HCN1: variants seen among roughly 807,000 people sequenced by gnomAD.
HCN1 encodes the protein potassium/sodium hyperpolarization-activated cyclic nucleotide-gated channel 1.
HCN1 carries 13 observed loss-of-function variants against 78.9 expected under a neutral mutation model. The ratio of observed to expected loss-of-function variants is 0.16; its 90% CI spans 0.11 to 0.26. The LOEUF (loss-of-function observed/expected upper bound fraction) is 0.26, where lower values mean the gene tolerates loss of function less well. Among genes scored for constraint, HCN1 ranks in the 10% least tolerant of loss-of-function variants. The pLI is 1.00. For missense variants in HCN1, 810 were observed against 1,154.3 expected (o/e 0.70, Z 4.32); for synonymous variants, 552 against 455.5 (o/e 1.21, Z -2.70).
intron 3 of HCN1, among the ~76,000 whole-genome samples, chr5:45,402,972 C>A (rs1739852757): frequency 6.6e-6 from 1 of 150,604 alleles, no homozygotes; most frequent in African/African-American, 2.4e-5. Context: ...AGAATTTGAG[C>A]TGTAACCTCA....
chr5:45,352,430 C>T (rs188501733), intron 5 of HCN1, among the ~76,000 whole-genome samples: 5 of 151,654 alleles, frequency 3.3e-5, no homozygotes, highest in South Asian at 2.1e-4. Flanking sequence ...TGCTAAATGA[C>T]GAGTTAATGG....
chr5:45,454,643 A>C (rs549339248), intron 3 of HCN1, among the ~76,000 whole-genome samples: 1 of 152,200 alleles, frequency 6.6e-6, no homozygotes, highest in East Asian at 1.9e-4. Context: ...TATATTTTTA[A>C]TTAAGAGATT....
intron 2 of HCN1, among the ~76,000 whole-genome samples, chr5:45,481,964 A>C (rs1033722021): frequency 8.8e-6 from 1 of 113,470 alleles, no homozygotes; most frequent in Non-Finnish European, 1.7e-5. Context: ...CCTAAAAGAA[A>C]AACAAACAAA....
chr5:45,501,053 G>T (rs1437228958), intron 2 of HCN1, among the ~76,000 whole-genome samples: 1 of 152,096 alleles, frequency 6.6e-6, no homozygotes, highest in Non-Finnish European at 1.5e-5. Context: ...AGGGATGAAT[G>T]ACTAGTAACA....
chr5:45,498,710 G>T (rs1742113056), intron 2 of HCN1, among the ~76,000 whole-genome samples: 1 of 152,072 alleles, frequency 6.6e-6, no homozygotes, highest in Admixed American at 6.6e-5. Flanking sequence ...CCATCTTTGT[G>T]GTTTTATCTA....
chr5:45,313,977 G>A (rs537402265), intron 5 of HCN1, among the ~76,000 whole-genome samples: 85 of 152,298 alleles, frequency 5.6e-4, no homozygotes, highest in Non-Finnish European at 1.1e-3. Context: ...CCCCAACCTA[G>A]CAAGGCAGGC....
At chr5:45,515,537 A>G (rs1408678707) in intron 2 of HCN1, among the ~76,000 whole-genome samples, 2 of 152,054 alleles carry the variant, frequency 1.3e-5, no homozygotes, top group African/African-American at 4.8e-5. Flanking sequence ...TTAACTAAAG[A>G]GATACCAAAT....
chr5:45,344,081 C>T (rs1368246796), intron 5 of HCN1, among the ~76,000 whole-genome samples: 1 of 152,120 alleles, frequency 6.6e-6, no homozygotes, highest in Non-Finnish European at 1.5e-5. Context: ...AGGAAACTTA[C>T]ACTTATGGTA....
At chr5:45,633,935 T>G (rs899002615) in intron 2 of HCN1, among the ~76,000 whole-genome samples, 1 of 151,962 alleles carries the variant, frequency 6.6e-6, no homozygotes, top group African/African-American at 2.4e-5. Context: ...CCATTGAAAA[T>G]GTCTGAAATA....
At chr5:45,306,841 T>C (rs985553807) in intron 5 of HCN1, among the ~76,000 whole-genome samples, 5 of 152,068 alleles carry the variant, frequency 3.3e-5, no homozygotes, top group Non-Finnish European at 7.4e-5. Flanking sequence ...GTGCATTAAA[T>C]TGAGGAAAGG....
chr5:45,457,270 T>C (rs1741047289), intron 3 of HCN1, among the ~76,000 whole-genome samples: 1 of 152,102 alleles, frequency 6.6e-6, no homozygotes, highest in African/African-American at 2.4e-5. Context: ...TTTTCTTATA[T>C]TCTTAAAATG....
At chr5:45,436,782 A>G (rs1740566844) in intron 3 of HCN1, among the ~76,000 whole-genome samples, 1 of 152,162 alleles carries the variant, frequency 6.6e-6, no homozygotes, top group Admixed American at 6.5e-5. Flanking sequence ...CTATTCACAT[A>G]GTCAGTTATT....
rs1028757262 is a variant in HCN1, at chr5:45,633,975, G to T, written c.849+11210C>A. The stretch of plus-strand genomic sequence containing the variant: ...AAATAATGATTCAACTAAATGAGAA[G>T]GGTGAAGGATTTAGTTGGTTAAGTT... On this transcript the variant is annotated intron_variant, in intron 2 of 7. Transcript: ENST00000303230. 9.2e-5 allele frequency among the ~76,000 whole-genome samples: 14 copies of T among 151,910 alleles called. 1 individual carries two copies. The highest frequency in any genetic ancestry group is 3.4e-4 in the African/African-American group (14 of 41,398).
chr5:45,661,308 T>A (rs1203891929), intron 1 of HCN1, among the ~76,000 whole-genome samples: 1 of 137,950 alleles, frequency 7.2e-6, no homozygotes, highest in East Asian at 2.2e-4. Context: ...CAAAGCAGTG[T>A]GTAGAGGGAA....
At chr5:45,490,126 G>T (rs1741852580) in intron 2 of HCN1, among the ~76,000 whole-genome samples, 1 of 152,044 alleles carries the variant, frequency 6.6e-6, no homozygotes, top group Non-Finnish European at 1.5e-5. Flanking sequence ...TCAAACACAG[G>T]GAACAACATG....
intron 6 of HCN1, among the ~76,000 whole-genome samples, chr5:45,284,623 C>T (rs1745232113): frequency 6.6e-6 from 1 of 152,106 alleles, no homozygotes; most frequent in Non-Finnish European, 1.5e-5. Flanking sequence ...ATATATCAAA[C>T]TTCAGCCTTC....
At chr5:45,549,006 C>T (rs557316748) in intron 2 of HCN1, among the ~76,000 whole-genome samples, 2 of 151,146 alleles carry the variant, frequency 1.3e-5, no homozygotes, top group African/African-American at 4.9e-5. Context: ...AGGATACAAA[C>T]AAATGGAAGA....
Position 45,429,956 on chromosome 5 carries a change from A to AT in HCN1, c.1011+31889dup, listed in dbSNP as rs530689047. ...AGTACAGTAATGATATCAAAGATGG[A>AT]TTTTTTTTTTTAAGAAAGGCAAGAT... On this transcript the variant is annotated intron_variant, in intron 3 of 7. Transcript: ENST00000303230. 4.4e-3 allele frequency among the ~76,000 whole-genome samples: 646 copies of AT among 148,384 alleles called. 2 individuals are homozygous for AT. The highest frequency in any genetic ancestry group is 7.6e-3 in the Admixed American group (112 of 14,820).
At chr5:45,279,829 C>CA (rs1422590534) in intron 6 of HCN1, among the ~76,000 whole-genome samples, 2 of 151,954 alleles carry the variant, frequency 1.3e-5, no homozygotes, top group Non-Finnish European at 2.9e-5. Context: ...ATAACACCCC[C>CA]AAAATTAATA....
Sources: gnomAD v4.1 joint callset for allele counts (sites outside exome capture counted in the v4.1 genomes callset) on GRCh38, gnomAD v4.1.1 for gene constraint, MANE v1.5 for transcripts, NCBI Gene and HGNC (gene_info 2026-07-23, HGNC 2026-07-21) for gene names.